The following COP1 variants were observed in gnomAD, a reference collection of about 807,000 sequenced individuals.
COP1 encodes the protein E3 ubiquitin-protein ligase COP1.
COP1 carries 24 observed loss-of-function variants against 101.3 expected under a neutral mutation model. The ratio of observed to expected loss-of-function variants is 0.24; its 90% CI spans 0.17 to 0.33. The LOEUF is 0.33. Ranked by LOEUF, COP1 falls within the 10% of genes least tolerant of loss-of-function variation. The pLI is 1.00. For missense variants in COP1, 663 were observed against 906.2 expected, an observed-to-expected ratio of 0.73 and a Z score of 3.45; for synonymous variants, 347 against 341.9, an observed-to-expected ratio of 1.01 and a Z score of -0.17.
chr1:176,114,602 G>C (rs554263360), intron 9 of COP1, among the ~76,000 whole-genome samples: 4 of 146,762 alleles, frequency 2.7e-5, no homozygotes, highest in Admixed American at 6.9e-5. Context: ...GGGAGGGAGT[G>C]GGGGGGAAAG....
chr1:175,966,181 G>A (rs533637933), intron 18 of COP1, among the ~76,000 whole-genome samples: 3 of 152,042 alleles, frequency 2.0e-5, no homozygotes, highest in African/African-American at 7.2e-5. Flanking sequence ...ATCAATAAAA[G>A]GTCTTGGTCT....
intron 15 of COP1, among the ~76,000 whole-genome samples, chr1:176,021,912 C>A (rs959024037): frequency 5.3e-5 from 8 of 152,168 alleles, no homozygotes; most frequent in African/African-American, 1.7e-4. Flanking sequence ...CTGACAGATT[C>A]CATCTTCTAT....
chr1:175,993,376 G>A (rs983575212), intron 15 of COP1, among the ~76,000 whole-genome samples: 3 of 152,184 alleles, frequency 2.0e-5, no homozygotes, highest in Non-Finnish European at 2.9e-5. Flanking sequence ...CACCAGCAAC[G>A]GAACAAAGCT....
chr1:176,165,286 T>C (rs978422019), intron 3 of COP1, among the ~76,000 whole-genome samples: 1 of 151,198 alleles, frequency 6.6e-6, no homozygotes, highest in African/African-American at 2.4e-5. Flanking sequence ...TGGGCCATAA[T>C]AGGCACACAG....
intron 18 of COP1, among the ~76,000 whole-genome samples, chr1:175,981,175 T>C (rs1036466840): frequency 2.4e-4 from 36 of 152,178 alleles, no homozygotes; most frequent in Admixed American, 6.5e-5. Flanking sequence ...GTTTGCTGAT[T>C]GAAAATTTTT....
chr1:176,122,921 T>C (rs1236827391), intron 8 of COP1, among the ~76,000 whole-genome samples: 1 of 152,180 alleles, frequency 6.6e-6, no homozygotes, highest in East Asian at 1.9e-4. Flanking sequence ...ACTACTTCGG[T>C]TGGTAGAATG....
intron 15 of COP1, among the ~76,000 whole-genome samples, chr1:176,001,568 C>A (rs779362115): frequency 6.6e-6 from 1 of 151,984 alleles, no homozygotes; most frequent in African/African-American, 2.4e-5. Flanking sequence ...CAACTGCAGC[C>A]GCAAGTGCCA....
In COP1 at chr1:176,043,188, T is replaced by C; in HGVS notation, c.1610A>G (p.Lys537Arg). Residue 537 changes from lysine (K) to arginine (R), a missense_variant and splice_region_variant, in exon 14 of 20, where the codon AAA (lysine) becomes AGA (arginine). Lys to Arg is a conservative substitution (Grantham distance 26, BLOSUM62 2). Around this residue, in one of 4 missense-constraint regions of COP1, gnomAD observed 209 missense variants for 383.3 expected, o/e 0.55. Coordinates refer to ENST00000367669, the MANE Select transcript of COP1 (RefSeq NM_022457.7). Reference protein sequence around the residue: ...KLLASGSDDAKVKLWSTNLDN... With the variant: ...KLLASGSDDARVKLWSTNLDN... ...TGAGAAAGAGATTCAAACAGTACCT[T>C]TTGCATCATCAGAACCTGAAGCCAA... 6.2e-7 allele frequency: 1 copy of C among 1,603,632 alleles called. No homozygotes were observed. Among genetic ancestry groups the C allele is most frequent in the Non-Finnish European group, 8.5e-7 (1 of 1,170,634 alleles).
intron 11 of COP1, among the ~76,000 whole-genome samples, chr1:176,077,079 A>C (rs1678184695): frequency 6.6e-6 from 1 of 152,202 alleles, no homozygotes; most frequent in Admixed American, 6.5e-5. Context: ...AATCCTGCTG[A>C]AACTTCCAAA....
chr1:176,148,409 GT>G (rs1691913814), intron 6 of COP1, among the ~76,000 whole-genome samples: 1 of 149,440 alleles, frequency 6.7e-6, no homozygotes, highest in South Asian at 2.1e-4. Context: ...AAAAAAAAAA[GT>G]TTTCAAAGTT....
intron 15 of COP1, among the ~76,000 whole-genome samples, chr1:176,013,050 T>A (rs373583303): frequency 5.9e-5 from 9 of 152,204 alleles, no homozygotes; most frequent in Admixed American, 2.0e-4. Flanking sequence ...TATATGCTTA[T>A]AACTTCCACA....
At chr1:176,041,957 C>T (rs1214817433) in intron 14 of COP1, among the ~76,000 whole-genome samples, 1 of 151,936 alleles carries the variant, frequency 6.6e-6, no homozygotes, top group Admixed American at 6.6e-5. Context: ...ACTAAAAATA[C>T]AAAAATTAGC....
chr1:176,179,395 A>G (rs1424773835), intron 2 of COP1, among the ~76,000 whole-genome samples: 1 of 152,228 alleles, frequency 6.6e-6, no homozygotes, highest in African/African-American at 2.4e-5. Context: ...AATAAATGAT[A>G]GAAAATGTGC....
chr1:176,014,776 T>C (rs1665324305), intron 15 of COP1, among the ~76,000 whole-genome samples: 1 of 152,162 alleles, frequency 6.6e-6, no homozygotes, highest in Admixed American at 6.6e-5. Context: ...ACACTATACA[T>C]ATATACACAC....
Position 176,091,723 on chromosome 1 carries a change from T to C in COP1, c.1027-5833A>G, listed in dbSNP as rs189303751. Among the ~76,000 whole-genome samples the C allele has an allele frequency of 6.7e-3, 1,010 of 151,600 alleles. 9 individuals carry two copies. The highest frequency in any genetic ancestry group is 0.023 in the African/African-American group (958 of 41,300). ...AACAATCGAACCAGAAGAGGGATGG[T>C]GGGGGAGGTAAAAACGTAAGAAAAA... On this transcript the variant is annotated intron_variant, in intron 9 of 19. Coordinates refer to ENST00000367669, the MANE Select transcript of COP1 (RefSeq NM_022457.7).
At chr1:175,996,765 A>G (rs1660254862) in intron 15 of COP1, among the ~76,000 whole-genome samples, 1 of 152,170 alleles carries the variant, frequency 6.6e-6, no homozygotes. Context: ...AAACAAATGG[A>G]AGAACATTCC....
intron 8 of COP1, among the ~76,000 whole-genome samples, chr1:176,120,706 T>A (rs1686973342): frequency 6.6e-6 from 1 of 152,182 alleles, no homozygotes. Flanking sequence ...AAAGACGTAT[T>A]TCCTAACTAG....
At chr1:176,137,047 C>T (rs1689921682) in intron 6 of COP1, among the ~76,000 whole-genome samples, 1 of 152,134 alleles carries the variant, frequency 6.6e-6, no homozygotes, top group Non-Finnish European at 1.5e-5. Context: ...TGCACCAGAA[C>T]TTTAATCATA....
intron 18 of COP1, 27 bp downstream of exon 18, chr1:175,986,916 G>A (rs767953939): frequency 5.2e-6 from 8 of 1,524,790 alleles, no homozygotes; most frequent in Non-Finnish European, 7.1e-6. Flanking sequence ...GAGATCCCAA[G>A]GTGAAAAAAC....
Sources: gnomAD v4.1 joint callset for allele counts (sites outside exome capture counted in the v4.1 genomes callset) on GRCh38, gnomAD v4.1.1 for gene constraint, gnomAD v4.1.1 regional missense constraint, MANE v1.5 for transcripts, NCBI Gene and HGNC (gene_info 2026-07-23, HGNC 2026-07-21) for gene names.